Variants in ATRNL1 observed in about 807,000 individuals in gnomAD.
The protein encoded by ATRNL1 is attractin like 1.
Under a neutral mutation model 182.7 loss-of-function variants are expected in ATRNL1, and 95 were observed. The observed-to-expected ratio is 0.52, with a 90% CI of 0.44 to 0.62. The LOEUF is 0.62. ATRNL1 is among the 20% of genes least tolerant of loss of function. The probability of loss-of-function intolerance (pLI) is 0.00; values close to 1 mark genes in which losing one functional copy is unlikely to be tolerated. For missense variants in ATRNL1, 1,471 were observed against 1,679.5 expected (o/e 0.88, Z 2.17); for synonymous variants, 576 against 568.3 (o/e 1.01, Z -0.19).
intron 28 of ATRNL1, among the ~76,000 whole-genome samples, chr10:115,878,821 A>C (rs1482417484): frequency 5.9e-5 from 9 of 152,328 alleles, no homozygotes; most frequent in African/African-American, 2.2e-4. Context: ...GCCCAGCAGC[A>C]ACATGGTCTG....
chr10:115,108,855 A>G (rs1439261263), intron 1 of ATRNL1, among the ~76,000 whole-genome samples: 2 of 152,112 alleles, frequency 1.3e-5, no homozygotes, highest in Non-Finnish European at 1.5e-5. Flanking sequence ...AACTCCCATT[A>G]TACTAGCTTA....
intron 26 of ATRNL1, among the ~76,000 whole-genome samples, chr10:115,552,808 T>G (rs1038015342): frequency 6.6e-6 from 1 of 151,278 alleles, no homozygotes; most frequent in East Asian, 1.9e-4. Flanking sequence ...AACAAATTTC[T>G]GTGGTGTTAA....
chr10:115,556,374 T>A lies in ATRNL1; in HGVS notation c.3795+6838T>A, dbSNP rs74158369. 9.8e-3 allele frequency among the ~76,000 whole-genome samples: 1,494 copies of A among 152,298 alleles called. 18 individuals are homozygous for A. Among genetic ancestry groups the A allele is most frequent in the African/African-American group, 0.034 (1,415 of 41,578 alleles). On this transcript the variant is annotated intron_variant, in intron 26 of 28. Transcript: ENST00000355044. ...TTGGGTAAAGTTTTGCTACGACTTA[T>A]TCACCTTCATAGTCCAAGTTTTTAA...
chr10:115,376,231 C>T (rs562666678), intron 19 of ATRNL1, among the ~76,000 whole-genome samples: 3 of 151,690 alleles, frequency 2.0e-5, no homozygotes, highest in Non-Finnish European at 4.4e-5. Context: ...AATGGAGATT[C>T]CTTGATATGT....
rs369628280 is a variant in ATRNL1, at chr10:115,251,766, CCTTA to C, written c.1687+10046_1687+10049del. 3.2e-4 allele frequency among the ~76,000 whole-genome samples: 49 copies of C among 152,286 alleles called. 2 individuals carry two copies. The East Asian group carries it at 8.9e-3, about 28-fold the overall frequency. On this transcript the variant is annotated intron_variant, in intron 10 of 28. Coordinates refer to ENST00000355044, the MANE Select transcript of ATRNL1 (RefSeq NM_207303.4). ...TGCTATGGCAGTTCCGGCATTTTGA[CCTTA>C]CTTAGCATGGGTATACTTTTCATGT...
intron 26 of ATRNL1, among the ~76,000 whole-genome samples, chr10:115,581,390 A>G (rs548864944): frequency 1.1e-4 from 16 of 152,122 alleles, no homozygotes; most frequent in African/African-American, 3.9e-4. Flanking sequence ...ATGGGAGTTT[A>G]CCTCTTACTC....
intron 21 of ATRNL1, among the ~76,000 whole-genome samples, chr10:115,432,284 A>C (rs1554964135): frequency 1.3e-5 from 2 of 152,148 alleles, no homozygotes; most frequent in Non-Finnish European, 2.9e-5. Context: ...TTACTTTTCA[A>C]CTAGTCAATA....
intron 21 of ATRNL1, among the ~76,000 whole-genome samples, chr10:115,452,704 A>G (rs1374488590): frequency 6.6e-6 from 1 of 152,174 alleles, no homozygotes; most frequent in Admixed American, 6.6e-5. Context: ...AAAACTTAAT[A>G]TAAGACCTAA....
chr10:115,507,150 T>C (rs1850155590), intron 24 of ATRNL1, among the ~76,000 whole-genome samples: 1 of 151,952 alleles, frequency 6.6e-6, no homozygotes, highest in South Asian at 2.1e-4. Flanking sequence ...AAGAGACAAA[T>C]GGTTGCATTC....
intron 19 of ATRNL1, among the ~76,000 whole-genome samples, chr10:115,372,788 T>A (rs2134202756): frequency 6.6e-6 from 1 of 152,290 alleles, no homozygotes; most frequent in South Asian, 2.1e-4. Flanking sequence ...TGTAGTTTAT[T>A]TTGAGATAAG....
At chr10:115,412,254 T>A (rs1447386187) in intron 20 of ATRNL1, among the ~76,000 whole-genome samples, 5 of 152,082 alleles carry the variant, frequency 3.3e-5, no homozygotes, top group Non-Finnish European at 5.9e-5. Flanking sequence ...AGGCCCTCGG[T>A]CCTATAGTGG....
At chr10:115,599,734 C>T (rs1355254263) in intron 26 of ATRNL1, among the ~76,000 whole-genome samples, 2 of 152,086 alleles carry the variant, frequency 1.3e-5, no homozygotes, top group Non-Finnish European at 2.9e-5. Context: ...GTTGTATCCT[C>T]AAAAAGATGC....
intron 19 of ATRNL1, among the ~76,000 whole-genome samples, chr10:115,391,397 C>T (rs1554954304): frequency 6.6e-6 from 1 of 152,060 alleles, no homozygotes; most frequent in Non-Finnish European, 1.5e-5. Flanking sequence ...TGGGATGGGT[C>T]TGGATTCTGA....
chr10:115,662,052 C>T (rs895503358), intron 26 of ATRNL1, among the ~76,000 whole-genome samples: 2 of 151,732 alleles, frequency 1.3e-5, no homozygotes, highest in Non-Finnish European at 2.9e-5. Flanking sequence ...CCTTGCAATA[C>T]TTTGCTGAGA....
rs563912705 is a variant in ATRNL1, at chr10:115,548,289, CATT to C, written c.3717-1168_3717-1166del. Among the ~76,000 whole-genome samples, 436 of 152,348 alleles carry C rather than the reference CATT, an allele frequency of 2.9e-3. 1 individual carries two copies. The highest frequency in any genetic ancestry group is 8.9e-3 in the African/African-American group (371 of 41,574). The stretch of plus-strand genomic sequence containing the variant: ...CTCAATGGATAGATGTTAAAATTGA[CATT>C]GTTGTTATCGTTGTCATTGAAGGAT... On this transcript the variant is annotated intron_variant, in intron 25 of 28. Transcript: ENST00000355044.
At chr10:115,764,964 A>G (rs2960700) in intron 27 of ATRNL1, among the ~76,000 whole-genome samples, 144,660 of 152,308 alleles carry the variant, frequency 0.95, 69,111 homozygotes, top group East Asian at 1. Context: ...ATGAGCCACC[A>G]TGCCCAGCCT....
intron 19 of ATRNL1, among the ~76,000 whole-genome samples, chr10:115,354,446 T>C (rs1856414681): frequency 1.3e-5 from 2 of 152,180 alleles, no homozygotes; most frequent in Admixed American, 6.5e-5. Context: ...TTGAAGGATA[T>C]CTTTCCTGTA....
intron 5 of ATRNL1, among the ~76,000 whole-genome samples, chr10:115,157,996 G>C (rs1846602049): frequency 6.6e-6 from 1 of 151,702 alleles, no homozygotes; most frequent in African/African-American, 2.4e-5. Context: ...CTGTGCCTTT[G>C]GGTGGTGGCC....
intron 19 of ATRNL1, among the ~76,000 whole-genome samples, chr10:115,363,428 A>G (rs1856852569): frequency 1.4e-5 from 2 of 146,522 alleles, no homozygotes; most frequent in South Asian, 4.5e-4. Context: ...GCCCTTTGTC[A>G]GATGAGTAGG....
Sources: gnomAD v4.1 joint callset for allele counts (sites outside exome capture counted in the v4.1 genomes callset) on GRCh38, gnomAD v4.1.1 for gene constraint, MANE v1.5 for transcripts, NCBI Gene and HGNC (gene_info 2026-07-23, HGNC 2026-07-21) for gene names.